Variants in PRKN observed in about 807,000 individuals in gnomAD.
PRKN encodes parkin RBR E3 ubiquitin protein ligase, also known as E3 ubiquitin-protein ligase parkin.
Under a neutral mutation model 59.5 loss-of-function variants are expected in PRKN, and 56 were observed. That is an observed-to-expected ratio of 0.94 (90% CI 0.76 to 1.18). The LOEUF (loss-of-function observed/expected upper bound fraction) is 1.18. Ranked by LOEUF, PRKN falls within the 50% of genes most tolerant of loss-of-function variation. The probability of loss-of-function intolerance (pLI) is 0.00; values close to 1 mark genes in which losing one functional copy is unlikely to be tolerated. For synonymous variants in PRKN, 250 were observed against 222.1 expected (o/e 1.13, Z -1.12); for missense variants, 657 against 596.4 (o/e 1.10, Z -1.06).
intron 6 of PRKN, among the ~76,000 whole-genome samples, chr6:161,904,701 A>G (rs1778078782): frequency 6.6e-6 from 1 of 152,194 alleles, no homozygotes; most frequent in African/African-American, 2.4e-5. Flanking sequence ...GGATGTGCCA[A>G]GTCGCAGATT....
chr6:162,405,581 TACC>T (rs1788016147), intron 2 of PRKN, among the ~76,000 whole-genome samples: 1 of 152,152 alleles, frequency 6.6e-6, no homozygotes, highest in African/African-American at 2.4e-5. Flanking sequence ...TAAACTCAGA[TACC>T]TCAGAATGTT....
At chr6:162,374,800 C>G (rs1785969649) in intron 2 of PRKN, among the ~76,000 whole-genome samples, 1 of 151,934 alleles carries the variant, frequency 6.6e-6, no homozygotes, top group Non-Finnish European at 1.5e-5. Context: ...ACTATTATGA[C>G]TATTAGGAAG....
intron 6 of PRKN, among the ~76,000 whole-genome samples, chr6:161,954,309 G>C (rs550393701): frequency 1.6e-4 from 25 of 152,288 alleles, no homozygotes; most frequent in African/African-American, 5.8e-4. Context: ...ATCCTGGCAA[G>C]ACTGAGGTTT....
chr6:162,246,728 C>T (rs191511643), intron 3 of PRKN, among the ~76,000 whole-genome samples: 44 of 152,254 alleles, frequency 2.9e-4, no homozygotes, highest in Non-Finnish European at 1.2e-4. Context: ...CCAGGAAAAG[C>T]GTACTTAATC....
intron 7 of PRKN, among the ~76,000 whole-genome samples, chr6:161,748,420 A>G (rs7750085): frequency 2.6e-5 from 4 of 151,426 alleles, no homozygotes; most frequent in African/African-American, 9.7e-5. Flanking sequence ...AACTGCCCTA[A>G]GCTCCCAGAG....
rs1219394770 is a variant in PRKN at position 162,427,644 on chromosome 6, G to GT, written c.171+15665dup. Among the ~76,000 whole-genome samples the GT allele has an allele frequency of 5.7e-3, 820 of 144,224 alleles. 13 individuals carry two copies. Among genetic ancestry groups the GT allele is most frequent in the Admixed American group, 9.8e-3 (141 of 14,378 alleles). The allele number at this position is 144,224 out of a possible 152,430, so 94.6% of individuals were successfully genotyped here. A position where few individuals can be genotyped will look rare whatever the true frequency, so the allele number is the denominator to read the frequency against. On this transcript the variant is annotated intron_variant, in intron 2 of 11. Transcript: ENST00000366898. ...ATTACTTATAGGCTGGTAAATAAAT[G>GT]TTTTTTTTTCTTTTTTTTTTTGATG...
At chr6:161,804,431 T>C (rs1583185793) in intron 6 of PRKN, among the ~76,000 whole-genome samples, 1 of 152,184 alleles carries the variant, frequency 6.6e-6, no homozygotes, top group Non-Finnish European at 1.5e-5. Flanking sequence ...GCAAGGCTGG[T>C]GGCCTTCAGC....
chr6:161,979,493 C>T (rs1217182011), intron 5 of PRKN, among the ~76,000 whole-genome samples: 1 of 152,058 alleles, frequency 6.6e-6, no homozygotes, highest in African/African-American at 2.4e-5. Flanking sequence ...AGGCTGGTCT[C>T]GAGTTCCTGA....
chr6:162,283,444 TG>T (rs2128106989), intron 2 of PRKN, among the ~76,000 whole-genome samples: 2 of 152,296 alleles, frequency 1.3e-5, no homozygotes, highest in East Asian at 3.9e-4. Flanking sequence ...GTAAATCTGG[TG>T]CCTTCTGAGA....
rs570856038 is a variant in PRKN at position 161,401,929 on chromosome 6, G to A, written c.1084-15052C>T. Reference sequence around the variant, plus strand: ...CACACCAATCTCTGGAGCGGAAGCCGTTAATGCTTCTACTTATATTCTTAA... The same window carrying A: ...CACACCAATCTCTGGAGCGGAAGCCATTAATGCTTCTACTTATATTCTTAA... On this transcript the variant is annotated intron_variant, in intron 9 of 11. Transcript: ENST00000366898. This position sits in a 1 kb window ranked among gnomAD's most constrained non-coding sequence, Gnocchi z 4.4. Among the ~76,000 whole-genome samples, 71 of 152,322 alleles carry A rather than the reference G, an allele frequency of 4.7e-4. 1 individual carries two copies. The highest frequency in any genetic ancestry group is 6.8e-3 in the Middle Eastern group (2 of 294).
rs959168474 is a variant in PRKN at position 161,355,651 on chromosome 6, C to T, written c.1285+4437G>A. Among the ~76,000 whole-genome samples, 1 of 152,074 alleles carries T rather than the reference C, an allele frequency of 6.6e-6. No individual in the cohort carries two copies. The highest frequency in any genetic ancestry group is 2.4e-5 in the African/African-American group (1 of 41,408). ...GAATTCTTGAACTCAAGCGATCTGC[C>T]AGCCTCGGCCTCCCAAAGTGCTGGG... On this transcript the variant is annotated intron_variant, in intron 11 of 11. Coordinates refer to ENST00000366898, the MANE Select transcript of PRKN (RefSeq NM_004562.3). This position sits in a 1 kb window ranked among gnomAD's most constrained non-coding sequence, Gnocchi z 6.8.
At chr6:162,445,686 G>T (rs1362202764) in intron 1 of PRKN, among the ~76,000 whole-genome samples, 3 of 72,972 alleles carry the variant, frequency 4.1e-5, no homozygotes, top group East Asian at 4.3e-4. Flanking sequence ...CAGAGACCTT[G>T]TCTAAAAAAA....
At chr6:162,435,606 C>T (rs749091939) in intron 2 of PRKN, among the ~76,000 whole-genome samples, 1 of 152,132 alleles carries the variant, frequency 6.6e-6, no homozygotes, top group African/African-American at 2.4e-5. Flanking sequence ...ATTCTAGACT[C>T]GGACACGTAG....
intron 2 of PRKN, among the ~76,000 whole-genome samples, chr6:162,400,575 C>T (rs1272958140): frequency 6.7e-6 from 1 of 150,156 alleles, no homozygotes; most frequent in African/African-American, 2.5e-5. Context: ...TTGGAAAAAA[C>T]CGAACTATCA....
At chr6:162,078,693 G>C (rs1032564234) in intron 4 of PRKN, among the ~76,000 whole-genome samples, 2 of 151,906 alleles carry the variant, frequency 1.3e-5, no homozygotes, top group African/African-American at 2.4e-5. Flanking sequence ...AGCTGTATTG[G>C]GTATTTATCA....
chr6:162,010,338 A>G (rs1217070596), intron 5 of PRKN, among the ~76,000 whole-genome samples: 1 of 121,786 alleles, frequency 8.2e-6, no homozygotes, highest in Non-Finnish European at 1.6e-5. Flanking sequence ...TATATAATAT[A>G]TAAATAATAT....
chr6:161,374,959 T>A (rs1365068334), intron 10 of PRKN, among the ~76,000 whole-genome samples: 1 of 152,122 alleles, frequency 6.6e-6, no homozygotes, highest in Non-Finnish European at 1.5e-5. Flanking sequence ...CAGGACAGCA[T>A]CATTTTCAGA....
chr6:162,001,701 T>G (rs1254227199), intron 5 of PRKN, among the ~76,000 whole-genome samples: 1 of 152,038 alleles, frequency 6.6e-6, no homozygotes. Flanking sequence ...AAAGGAGTGG[T>G]AAGAAATGAC....
Position 161,584,701 on chromosome 6 carries a change from C to T in PRKN, c.872-15285G>A, listed in dbSNP as rs1196236618. On this transcript the variant is annotated intron_variant, in intron 7 of 11. Coordinates refer to ENST00000366898, the MANE Select transcript of PRKN (RefSeq NM_004562.3). The surrounding 1 kb of genome is among the most constrained non-coding windows in gnomAD (Gnocchi z 4.8). ...CTGGATACAAAACTCCATTATACAA[C>T]AGGGGGATCCTACATCCAGCTTCAT... 6.6e-6 allele frequency among the ~76,000 whole-genome samples: 1 copy of T among 152,128 alleles called. No homozygotes were observed. Among genetic ancestry groups the T allele is most frequent in the East Asian group, 1.9e-4 (1 of 5,188 alleles).
Sources: allele counts gnomAD v4.1 joint callset (sites outside exome capture counted in the v4.1 genomes callset), GRCh38; gene constraint gnomAD v4.1.1; non-coding constraint Gnocchi (gnomAD v3.1); transcripts MANE v1.5; gene names NCBI Gene and HGNC (gene_info 2026-07-23, HGNC 2026-07-21).